DNM3: variants seen among roughly 807,000 people sequenced by gnomAD.
The protein encoded by DNM3 is dynamin 3.
Under a neutral mutation model 101.6 loss-of-function variants are expected in DNM3, and 47 were observed. The observed-to-expected ratio is 0.46, with a 90% CI of 0.37 to 0.59. DNM3 has a LOEUF of 0.59. Among genes scored for constraint, DNM3 ranks in the 20% least tolerant of loss-of-function variants. The probability of loss-of-function intolerance (pLI) is 0.00; values close to 1 mark genes in which losing one functional copy is unlikely to be tolerated. For missense variants in DNM3, 849 were observed against 1,085.7 expected (o/e 0.78, Z 3.06); for synonymous variants, 385 against 387.9 (o/e 0.99, Z 0.09).
intron 1 of DNM3, 26 bp from the exon 2 acceptor site, chr1:171,921,722 T>C: frequency 6.4e-7 from 1 of 1,553,420 alleles, no homozygotes. Context: ...CTTCATGCCT[T>C]AATCTGTATT....
At chr1:172,350,759 A>G (rs1015043980) in intron 17 of DNM3, among the ~76,000 whole-genome samples, 2 of 152,164 alleles carry the variant, frequency 1.3e-5, no homozygotes, top group African/African-American at 2.4e-5. Flanking sequence ...CTGTATATAC[A>G]TGGAGGCAGG....
intron 1 of DNM3, among the ~76,000 whole-genome samples, chr1:171,883,328 G>A (rs920241224): frequency 6.7e-6 from 1 of 150,168 alleles, no homozygotes; most frequent in African/African-American, 2.5e-5. Flanking sequence ...CTGGACAACA[G>A]AGTGAGACTC....
intron 1 of DNM3, among the ~76,000 whole-genome samples, chr1:171,912,385 A>G (rs1343796557): frequency 6.6e-6 from 1 of 152,154 alleles, no homozygotes; most frequent in Non-Finnish European, 1.5e-5. Context: ...AACCATAATG[A>G]AAAGAAGGGT....
intron 15 of DNM3, among the ~76,000 whole-genome samples, chr1:172,297,802 C>T (rs896109302): frequency 2.0e-5 from 3 of 152,086 alleles, no homozygotes; most frequent in Admixed American, 2.0e-4. Flanking sequence ...TATCTTTTCT[C>T]ATTAATTCCA....
At chr1:172,240,386 A>G (rs544443628) in intron 14 of DNM3, among the ~76,000 whole-genome samples, 6 of 152,056 alleles carry the variant, frequency 3.9e-5, no homozygotes, top group Non-Finnish European at 8.8e-5. Context: ...CTTGGTGACA[A>G]ATGATGGGGG....
chr1:171,997,871 T>C (rs903958373), intron 4 of DNM3, among the ~76,000 whole-genome samples: 8 of 152,170 alleles, frequency 5.3e-5, no homozygotes, highest in African/African-American at 1.4e-4. Context: ...CAGAAGTCCC[T>C]GGATGATCAG....
chr1:171,986,782 C>T (rs2045291573), intron 2 of DNM3, among the ~76,000 whole-genome samples: 1 of 152,066 alleles, frequency 6.6e-6, no homozygotes. Context: ...TTTAGTTGTA[C>T]AATTCTTCAT....
intron 1 of DNM3, among the ~76,000 whole-genome samples, chr1:171,875,817 T>TTTTTTTTC (rs1326829116): frequency 7.4e-6 from 1 of 135,416 alleles, no homozygotes; most frequent in Non-Finnish European, 1.6e-5. Flanking sequence ...GTCTCTCTTT[T>TTTTTTTTC]TTTTTTTTTT....
At chr1:172,300,304 T>C (rs1163550709) in intron 15 of DNM3, among the ~76,000 whole-genome samples, 1 of 152,194 alleles carries the variant, frequency 6.6e-6, no homozygotes, top group African/African-American at 2.4e-5. Context: ...GTTTGATGCA[T>C]AATTTGTAAA....
chr1:172,164,003 T>A (rs2058655561), intron 14 of DNM3, among the ~76,000 whole-genome samples: 2 of 151,712 alleles, frequency 1.3e-5, no homozygotes, highest in South Asian at 2.1e-4. Flanking sequence ...CATTTTTTTT[T>A]ATCCATTCAT....
intron 14 of DNM3, among the ~76,000 whole-genome samples, chr1:172,206,453 CAT>C (rs1271083310): frequency 2.0e-5 from 3 of 152,192 alleles, no homozygotes; most frequent in Admixed American, 2.0e-4. Flanking sequence ...TAAAAAGTCA[CAT>C]ATTAAAAGGT....
At chr1:172,080,770 A>G (rs2053077073) in intron 11 of DNM3, among the ~76,000 whole-genome samples, 1 of 152,178 alleles carries the variant, frequency 6.6e-6, no homozygotes, top group Admixed American at 6.5e-5. Flanking sequence ...CACCCAAGGG[A>G]ATCTCCTGGT....
intron 20 of DNM3, among the ~76,000 whole-genome samples, chr1:172,397,922 A>G (rs10489284): frequency 0.25 from 38,205 of 152,112 alleles, 6,851 homozygotes; most frequent in African/African-American, 0.51. Flanking sequence ...TTCCTGCAGA[A>G]AAATAAGTTT....
chr1:171,841,724 T>C lies in DNM3; in HGVS notation c.68T>C (p.Leu23Pro). ...VNRLQDAFSALGQSCLLELPQ... is the reference protein window; with the variant it reads ...VNRLQDAFSAPGQSCLLELPQ... ...CGTCTGCAGGACGCGTTTTCGGCGC[T>C]GGGACAGAGCTGCCTGCTGGAGCTG... is the stretch of plus-strand genomic sequence containing the variant. Residue 23 changes from leucine to proline, a missense_variant, in exon 1 of 21, where the codon CTG becomes CCG. By Grantham distance (98) the Leu-to-Pro change is moderately conservative. This residue lies in a region of DNM3 where 388 missense variants were observed against 483.0 expected (regional missense o/e 0.80). Transcript: ENST00000627582. 1 of 1,611,338 alleles carries C rather than the reference T, an allele frequency of 6.2e-7. No homozygotes were observed. The highest frequency in any genetic ancestry group is 1.9e-4 in the Middle Eastern group (1 of 5,320).
chr1:172,026,547 T>C (rs10797716), intron 4 of DNM3, among the ~76,000 whole-genome samples: 57,209 of 151,624 alleles, frequency 0.38, 11,378 homozygotes, highest in East Asian at 0.69. Context: ...ATGTTAAGGG[T>C]AGCCAGAGAG....
chr1:172,233,840 GCC>G (rs1167610402), intron 14 of DNM3, among the ~76,000 whole-genome samples: 1 of 151,838 alleles, frequency 6.6e-6, no homozygotes, highest in Non-Finnish European at 1.5e-5. Flanking sequence ...AAATTCAACA[GCC>G]CTTCACGCTA....
intron 4 of DNM3, among the ~76,000 whole-genome samples, chr1:172,008,514 C>T (rs1417658313): frequency 2.0e-5 from 3 of 149,398 alleles, no homozygotes; most frequent in Non-Finnish European, 4.4e-5. Flanking sequence ...GTTGGCTGTG[C>T]GTGGATTTAT....
intron 14 of DNM3, among the ~76,000 whole-genome samples, chr1:172,157,093 C>T (rs1014570639): frequency 2.0e-5 from 3 of 151,990 alleles, no homozygotes; most frequent in Admixed American, 2.0e-4. Context: ...ATTATTATTC[C>T]ATTGTAATAT....
chr1:172,005,374 C>T (rs2046619062), intron 4 of DNM3, among the ~76,000 whole-genome samples: 1 of 151,990 alleles, frequency 6.6e-6, no homozygotes, highest in African/African-American at 2.4e-5. Flanking sequence ...ATTTTTCTAT[C>T]AGGAATTGTT....
Sources: allele counts gnomAD v4.1 joint callset (sites outside exome capture counted in the v4.1 genomes callset), GRCh38; gene constraint gnomAD v4.1.1; regional missense constraint gnomAD v4.1.1; transcripts MANE v1.5; gene names NCBI Gene and HGNC (gene_info 2026-07-23, HGNC 2026-07-21).